The following RCOR2 variants were observed in gnomAD, a reference collection of about 807,000 sequenced individuals.
The protein encoded by RCOR2 is REST corepressor 2.
In RCOR2, 19 loss-of-function variants were observed where a neutral mutation model predicts 58.9. The ratio of observed to expected loss-of-function variants is 0.32; its 90% CI spans 0.23 to 0.47. RCOR2 has a LOEUF of 0.47. RCOR2 is among the 20% of genes least tolerant of loss of function. The pLI is 1.00. For synonymous variants in RCOR2, 286 were observed against 278.7 expected (o/e 1.03, Z -0.26); for missense variants, 590 against 707.9 (o/e 0.83, Z 1.89).
intron 1 of RCOR2, among the ~76,000 whole-genome samples, chr11:63,916,113 G>A (rs911272170): frequency 2.0e-4 from 30 of 152,344 alleles, no homozygotes; most frequent in Non-Finnish European, 3.5e-4. Flanking sequence ...GGGCAGGGCA[G>A]GGGCCGGCAG....
In RCOR2 at chr11:63,911,628, G is replaced by GAA. The variant is rs1374991527; in HGVS notation, c.*235_*236dup. 3 of 518,144 alleles carry GAA rather than the reference G, an allele frequency of 5.8e-6. No homozygotes were observed. In the East Asian group the frequency reaches 1.2e-4, roughly 21 times the overall value. 32.1% of individuals were successfully genotyped at this position (518,144 alleles called of 1,614,324 possible). On this transcript the variant is annotated 3_prime_UTR_variant, in exon 12 of 12. Coordinates refer to ENST00000301459, the MANE Select transcript of RCOR2 (RefSeq NM_173587.4). ...GCCATTCCAGTACCGGCCAGGAAGCGAAAGTGCCCTCAGGCCAGCTCAAAG... is the reference window on the plus strand; with the variant it reads ...GCCATTCCAGTACCGGCCAGGAAGCGAAAAAGTGCCCTCAGGCCAGCTCAAAG...
chr11:63,927,697 G>A, the RCOR2 span, among the ~76,000 whole-genome samples: 1 of 151,816 alleles, frequency 6.6e-6, no homozygotes, highest in Non-Finnish European at 1.5e-5. Flanking sequence ...GTTGCTGGGA[G>A]AATCAGCCTC....
Position 63,915,539 on chromosome 11 carries a change from C to T in RCOR2, c.184+16G>A. 2 of 1,554,946 alleles carry T rather than the reference C, an allele frequency of 1.3e-6. No homozygotes were observed. Among genetic ancestry groups the T allele is most frequent in the Non-Finnish European group, 1.7e-6 (2 of 1,148,448 alleles). On this transcript the variant is annotated intron_variant, in intron 2 of 11. Coordinates refer to ENST00000301459, the MANE Select transcript of RCOR2 (RefSeq NM_173587.4). Reference sequence around the variant, plus strand: ...CTCCACCCCCACCCCACTTCACAGCCTGTCCTGCGGCTCACCAGGCTTGCA... The same window carrying T: ...CTCCACCCCCACCCCACTTCACAGCTTGTCCTGCGGCTCACCAGGCTTGCA...
At chr11:63,914,199 G>A (rs1941821657) in intron 7 of RCOR2, 30 bp from the exon 8 acceptor site, 6 of 1,613,134 alleles carry the variant, frequency 3.7e-6, no homozygotes, top group African/African-American at 2.7e-5. Context: ...CAGGTAGGTG[G>A]TGCAGAGCCA....
intron 2 of RCOR2, 65 bp downstream of exon 2, chr11:63,915,490 G>C: frequency 6.7e-7 from 1 of 1,497,004 alleles, no homozygotes; most frequent in Non-Finnish European, 9.1e-7. Context: ...CGCCCCAGGT[G>C]GGGCTGCAGG....
the RCOR2 span, among the ~76,000 whole-genome samples, chr11:63,925,760 C>G: frequency 6.7e-6 from 1 of 149,584 alleles, no homozygotes; most frequent in East Asian, 2.0e-4. Context: ...ATGAGTGTGC[C>G]ACTGCACTCC....
chr11:63,916,593 G>T lies in RCOR2; in HGVS notation c.-137C>A, dbSNP rs1343446907. 1 of 1,401,758 alleles carries T rather than the reference G, an allele frequency of 7.1e-7. No individual in the cohort carries two copies. Among genetic ancestry groups the T allele is most frequent in the Non-Finnish European group, 9.3e-7 (1 of 1,070,962 alleles). 86.8% of individuals were successfully genotyped at this position (1,401,758 alleles called of 1,614,324 possible). A position where few individuals can be genotyped will look rare whatever the true frequency, so the allele number is the denominator to read the frequency against. ...TTAGGAGAGGCAGGAGGTCAGCGTG[G>T]CTAGGGTCCGGCGGGGTGGGAGCCC... On this transcript the variant is annotated 5_prime_UTR_variant, in exon 1 of 12. Transcript: ENST00000301459.
Position 63,916,337 on chromosome 11 carries a change from G to A in RCOR2, c.120C>T (p.His40=), listed in dbSNP as rs1205858664. Residue 40 remains histidine, a synonymous_variant, in exon 1 of 12, where the codon CAC becomes CAT. Transcript: ENST00000301459. ...CTAGGCCACCGGGCTCACCGTGCGA[G>A]TGCTCCTCCTCGCTGCTGTCATCCT... The part of the protein sequence containing the change: ...HSEDDSSEEE[H]SHDSMIRVGT... The A allele has an allele frequency of 1.2e-6, 2 of 1,605,096 alleles. No individual in the cohort carries two copies. The highest frequency in any genetic ancestry group is 1.7e-5 in the Admixed American group (1 of 59,398).
chr11:63,915,668 T>C, intron 1 of RCOR2, 57 bp from the exon 2 acceptor site: 1 of 909,928 alleles, frequency 1.1e-6, no homozygotes, highest in East Asian at 2.9e-5. Context: ...GGAGGGAGGA[T>C]GTGGCGGGCG....
At chr11:63,924,580 C>G in the RCOR2 span, among the ~76,000 whole-genome samples, 1 of 152,170 alleles carries the variant, frequency 6.6e-6, no homozygotes, top group African/African-American at 2.4e-5. Flanking sequence ...CTATCAGTCT[C>G]CAACTCTTGT....
In RCOR2 at chr11:63,914,367, T is replaced by G. The variant is rs377185149; in HGVS notation, c.606-37A>C. On this transcript the variant is annotated intron_variant, in intron 6 of 11. Coordinates refer to ENST00000301459, the MANE Select transcript of RCOR2 (RefSeq NM_173587.4). ...GGGGCCAGGGAGGGAATGAGGCAGC[T>G]GCCAGGAGCTCTACCTACCCCCATG... The G allele has an allele frequency of 1.0e-4, 164 of 1,613,138 alleles. No homozygotes were observed. In the Middle Eastern group the frequency reaches 1.3e-3, roughly 13 times the overall value.
At chr11:63,924,069 C>G in the RCOR2 span, among the ~76,000 whole-genome samples, 40,191 of 151,830 alleles carry the variant, frequency 0.26, 6,780 homozygotes, top group Non-Finnish European at 0.37. Flanking sequence ...CTACCACGCC[C>G]GGCTAATTTT....
chr11:63,912,534 G>A lies in RCOR2; in HGVS notation c.1028C>T (p.Ala343Val). 1.9e-6 allele frequency: 3 copies of A among 1,612,450 alleles called. No homozygotes were observed. The highest frequency in any genetic ancestry group is 1.7e-6 in the Non-Finnish European group (2 of 1,178,620). Residue 343 changes from alanine (A) to valine (V), a missense_variant and splice_region_variant, in exon 11 of 12, where the codon GCC (alanine) becomes GTC (valine). This residue lies in a region of RCOR2 where 390 missense variants were observed against 478.7 expected (regional missense o/e 0.81). Coordinates refer to ENST00000301459, the MANE Select transcript of RCOR2 (RefSeq NM_173587.4). ...AAAGTCTTTGCCATACCTACGGATG[G>A]CTGCAAGGGTCAAAAGGGCAGCAGC... ...TTDEQLLAVQ[A>V]IRRYGKDFGA...
At chr11:63,922,644 G>T in the RCOR2 span, among the ~76,000 whole-genome samples, 1 of 152,186 alleles carries the variant, frequency 6.6e-6, no homozygotes, top group Non-Finnish European at 1.5e-5. Context: ...GAGCCACTGC[G>T]CCAGGCCACT....
the RCOR2 span, among the ~76,000 whole-genome samples, chr11:63,924,855 A>ATT: frequency 4.2e-5 from 6 of 143,708 alleles, no homozygotes; most frequent in Non-Finnish European, 6.0e-5. Flanking sequence ...AGCCAAGGTG[A>ATT]TTTTTTTTTT....
At chr11:63,923,211 G>A in the RCOR2 span, among the ~76,000 whole-genome samples, 1 of 151,330 alleles carries the variant, frequency 6.6e-6, no homozygotes. Context: ...CCAATCCTGA[G>A]CACCTTGATT....
At chr11:63,915,462 A>G in intron 2 of RCOR2, 93 bp downstream of exon 2, 1 of 1,362,152 alleles carries the variant, frequency 7.3e-7, no homozygotes. Context: ...CTGCCCTTCC[A>G]GGGGAGCCAA....
At position 63,914,309 on chromosome 11, in the gene RCOR2, T is replaced by C. The variant is rs1457792263; in HGVS notation, c.627A>G (p.Arg209=). ...KEDSDELEEG[R]GGVSEGEPDP... ...CGGGCTCTCCCTCACTCACGCCTCCTCGACCCTCTTCGAGCTCATCACTGC... is the reference window on the plus strand; with the variant it reads ...CGGGCTCTCCCTCACTCACGCCTCCCCGACCCTCTTCGAGCTCATCACTGC... Residue 209 remains arginine, a synonymous_variant, in exon 7 of 12, where the codon CGA becomes CGG. Transcript: ENST00000301459. 6.2e-7 allele frequency: 1 copy of C among 1,613,368 alleles called. No individual in the cohort carries two copies. The highest frequency in any genetic ancestry group is 1.3e-5 in the African/African-American group (1 of 74,844).
the RCOR2 span, among the ~76,000 whole-genome samples, chr11:63,927,726 T>C: frequency 3.8e-4 from 41 of 107,324 alleles, no homozygotes; most frequent in Non-Finnish European, 7.3e-4. Context: ...CAAGCACCAC[T>C]TCCCCAGGAA....
Sources: gnomAD v4.1 joint callset for allele counts (sites outside exome capture counted in the v4.1 genomes callset) on GRCh38, gnomAD v4.1.1 for gene constraint, gnomAD v4.1.1 regional missense constraint, MANE v1.5 for transcripts, NCBI Gene and HGNC (gene_info 2026-07-23, HGNC 2026-07-21) for gene names.